LTBP2: variants seen among roughly 807,000 people sequenced by gnomAD.
LTBP2 encodes the protein latent transforming growth factor beta binding protein 2.
Under a neutral mutation model 210.6 loss-of-function variants are expected in LTBP2, and 103 were observed. The ratio of observed to expected loss-of-function variants is 0.49; its 90% CI spans 0.42 to 0.58. LTBP2 has a LOEUF of 0.58. LTBP2 is among the 20% of genes least tolerant of loss of function. The pLI is 0.00. For synonymous variants in LTBP2, 1,007 were observed against 1,015.0 expected (o/e 0.99, Z 0.15); for missense variants, 2,313 against 2,494.5 (o/e 0.93, Z 1.55).
intron 10 of LTBP2, among the ~76,000 whole-genome samples, chr14:74,530,471 C>T (rs2087336629): frequency 6.6e-6 from 1 of 152,220 alleles, no homozygotes; most frequent in African/African-American, 2.4e-5. Flanking sequence ...CCTAGGTCAG[C>T]CAGCCTGAGG....
In LTBP2 at chr14:74,506,174, G is replaced by A. The variant is rs2086981017; in HGVS notation, c.4051C>T (p.Leu1351Phe). 2 of 1,613,920 alleles carry A rather than the reference G, an allele frequency of 1.2e-6. No individual in the cohort carries two copies. The highest frequency in any genetic ancestry group is 1.7e-6 in the Non-Finnish European group (2 of 1,180,016). ...WDCVDVNECE[L>F]MLAVCGAALC... ...GCGGCCCCACATACCGCCAGCATAA[G>A]CTCACACTCGTTCACATCTGCCAGG... The change falls in exon 28 of 36, where the codon CTT becomes TTT. Residue 1351 changes from leucine (L) to phenylalanine (F), a missense_variant. By Grantham distance (22) the Leu-to-Phe change is conservative. This residue lies in a region of LTBP2 where 1,867 missense variants were observed against 1,976.9 expected (regional missense o/e 0.94). Transcript: ENST00000261978.
At chr14:74,575,910 T>G (rs533641512) in intron 3 of LTBP2, among the ~76,000 whole-genome samples, 2 of 152,256 alleles carry the variant, frequency 1.3e-5, no homozygotes, top group African/African-American at 4.8e-5. Flanking sequence ...TCCTAACCCC[T>G]CTGAGCCCTC....
chr14:74,568,794 C>A (rs1259653676), intron 3 of LTBP2, among the ~76,000 whole-genome samples: 2 of 152,122 alleles, frequency 1.3e-5, no homozygotes, highest in African/African-American at 4.8e-5. Flanking sequence ...GAGCCTATAC[C>A]ACGAATCTTT....
At chr14:74,568,692 A>G (rs1379981672) in intron 3 of LTBP2, among the ~76,000 whole-genome samples, 1 of 152,204 alleles carries the variant, frequency 6.6e-6, no homozygotes, top group Non-Finnish European at 1.5e-5. Flanking sequence ...CCTTTTCCAG[A>G]TGAGGCATAA....
At position 74,522,705 on chromosome 14, in the gene LTBP2, C is replaced by G. The variant is rs2139710908; in HGVS notation, c.2659+85G>C. ...CCAGCACTGCTTGGACCTTCTGCTT[C>G]TTCCTGGACTCTCAACTCGGCCTCT... On this transcript the variant is annotated intron_variant, in intron 16 of 35. Transcript: ENST00000261978. 4.0e-6 allele frequency: 6 copies of G among 1,483,128 alleles called. No homozygotes were observed. The South Asian group carries it at 7.9e-5, about 20-fold the overall frequency. 91.9% of individuals were successfully genotyped at this position (1,483,128 alleles called of 1,614,324 possible).
chr14:74,603,424 G>A (rs1273572245), intron 2 of LTBP2, among the ~76,000 whole-genome samples: 1 of 152,150 alleles, frequency 6.6e-6, no homozygotes, highest in Non-Finnish European at 1.5e-5. Flanking sequence ...ACCGCTCCCG[G>A]CCCCAGCTAG....
Position 74,508,639 on chromosome 14 carries a change from C to G in LTBP2, c.3617G>C (p.Gly1206Ala). The stretch of plus-strand genomic sequence containing the variant: ...GGTGCCCCCCTCTGCGCTGACGAAG[C>G]CAGGCGCGCACAGACAGAAGAAAGA... ...HGSFFCLCAP[G>A]FVSAEGGTSC... Residue 1206 changes from glycine to alanine, a missense_variant, in exon 24 of 36, where the codon GGC becomes GCC. Physicochemically the swap from Gly to Ala is moderately conservative, Grantham distance 60. Around this residue, in one of 3 missense-constraint regions of LTBP2, gnomAD observed 1,867 missense variants for 1,976.9 expected, o/e 0.94. Transcript: ENST00000261978. 2 of 1,612,066 alleles carry G rather than the reference C, an allele frequency of 1.2e-6. No homozygotes were observed. Among genetic ancestry groups the G allele is most frequent in the Non-Finnish European group, 1.7e-6 (2 of 1,179,962 alleles).
chr14:74,516,681 G>A, intron 18 of LTBP2, 141 bp downstream of exon 18: 1 of 1,134,706 alleles, frequency 8.8e-7, no homozygotes, highest in East Asian at 2.6e-5. Flanking sequence ...TCTCATAGGT[G>A]TCTCTGTCCA....
chr14:74,576,860 TAA>T (rs1430943093), intron 3 of LTBP2, among the ~76,000 whole-genome samples: 3 of 152,136 alleles, frequency 2.0e-5, no homozygotes, highest in African/African-American at 7.2e-5. Flanking sequence ...TCAGGACAGC[TAA>T]AAAGTAATAA....
At chr14:74,543,791 G>A (rs1032353930) in intron 8 of LTBP2, among the ~76,000 whole-genome samples, 12 of 152,182 alleles carry the variant, frequency 7.9e-5, no homozygotes, top group African/African-American at 2.7e-4. Flanking sequence ...CCATTATTCA[G>A]ATTTCCCTCC....
At chr14:74,595,109 C>T (rs909904659) in intron 2 of LTBP2, among the ~76,000 whole-genome samples, 7 of 152,258 alleles carry the variant, frequency 4.6e-5, no homozygotes, top group African/African-American at 1.7e-4. Context: ...TCTCTGCAGA[C>T]GCTGTCTGGC....
chr14:74,508,477 A>G, intron 24 of LTBP2, 127 bp downstream of exon 24: 1 of 1,502,134 alleles, frequency 6.7e-7, no homozygotes, highest in South Asian at 1.2e-5. Flanking sequence ...ACTTGCTCTC[A>G]GTACTGGTAT....
intron 17 of LTBP2, among the ~76,000 whole-genome samples, chr14:74,520,973 A>T (rs901490121): frequency 2.0e-5 from 3 of 152,260 alleles, no homozygotes; most frequent in African/African-American, 4.8e-5. Context: ...AGTGCCTGGC[A>T]CATAGGTGGT....
intron 1 of LTBP2, among the ~76,000 whole-genome samples, chr14:74,608,009 T>C (rs1450356505): frequency 1.3e-5 from 2 of 151,232 alleles, no homozygotes; most frequent in Non-Finnish European, 2.9e-5. Flanking sequence ...CAAGCTCCGC[T>C]TCCCGGGTTC....
intron 3 of LTBP2, among the ~76,000 whole-genome samples, chr14:74,563,266 CA>C (rs1338332012): frequency 6.6e-6 from 1 of 152,190 alleles, no homozygotes; most frequent in Non-Finnish European, 1.5e-5. Context: ...ATTTCCCCCG[CA>C]AAATCACACA....
intron 12 of LTBP2, 147 bp from the exon 13 acceptor site, chr14:74,527,513 C>T (rs2087289479): frequency 2.3e-6 from 2 of 854,274 alleles, no homozygotes; most frequent in East Asian, 2.7e-5. Context: ...CTCTTCTTAC[C>T]TGCCTCTGCC....
intron 28 of LTBP2, among the ~76,000 whole-genome samples, 177 bp downstream of exon 28, chr14:74,505,871 G>A (rs890116841): frequency 6.6e-6 from 1 of 152,098 alleles, no homozygotes; most frequent in African/African-American, 2.4e-5. Context: ...TTTGCTGCGC[G>A]CGGCCCTCAG....
intron 14 of LTBP2, among the ~76,000 whole-genome samples, chr14:74,525,654 C>T (rs936087503): frequency 7.2e-5 from 11 of 152,172 alleles, no homozygotes; most frequent in South Asian, 4.1e-4. Flanking sequence ...TGTCTTCTAC[C>T]GTTTTACAAG....
intron 8 of LTBP2, among the ~76,000 whole-genome samples, chr14:74,540,830 A>AAT (rs372920563): frequency 0.012 from 825 of 68,606 alleles, 37 homozygotes; most frequent in African/African-American, 0.04. Flanking sequence ...ATTTTTATAT[A>AAT]ATATATATTT....
Sources: allele counts gnomAD v4.1 joint callset (sites outside exome capture counted in the v4.1 genomes callset), GRCh38; gene constraint gnomAD v4.1.1; regional missense constraint gnomAD v4.1.1; transcripts MANE v1.5; gene names NCBI Gene and HGNC (gene_info 2026-07-23, HGNC 2026-07-21).